The following NAA15 variants were observed in gnomAD, a reference collection of about 807,000 sequenced individuals.
The protein encoded by NAA15 is N-terminal acetyltransferase.
In NAA15, 34 loss-of-function variants were observed where a neutral mutation model predicts 114.0. The observed-to-expected ratio is 0.30, with a 90% CI of 0.23 to 0.40. NAA15 has a LOEUF of 0.40. Ranked by LOEUF, NAA15 falls within the 10% of genes least tolerant of loss-of-function variation. NAA15 has a pLI of 1.00. For synonymous variants in NAA15, 340 were observed against 338.0 expected (o/e 1.01, Z -0.06); for missense variants, 658 against 1,004.5 (o/e 0.66, Z 4.66).
intron 3 of NAA15, 55 bp from the exon 4 acceptor site, chr4:139,340,857 C>T (rs1053498744): frequency 9.5e-6 from 13 of 1,370,350 alleles, no homozygotes; most frequent in Middle Eastern, 1.9e-4. Flanking sequence ...TTTGGGAGGT[C>T]GTTTGGAATA....
At position 139,351,590 on chromosome 4, in the gene NAA15, A is replaced by T; in HGVS notation, c.993A>T (p.Ser331=). The part of the protein sequence containing the change: ...GCPPVFNTLR[S]LYKDKEKVAI... ...CACCAGTCTTCAATACTTTAAGATC[A>T]TTATACAAAGACAAAGAAAAGGTAA... is the stretch of plus-strand genomic sequence containing the variant. Residue 331 remains serine, a synonymous_variant, in exon 9 of 20, where the codon TCA becomes TCT. Transcript: ENST00000296543. 1 of 1,565,692 alleles carries T rather than the reference A, an allele frequency of 6.4e-7. No homozygotes were observed. Among genetic ancestry groups the T allele is most frequent in the East Asian group, 2.2e-5 (1 of 44,588 alleles).
At chr4:139,375,981 A>G (rs541200908) in intron 15 of NAA15, among the ~76,000 whole-genome samples, 4 of 152,316 alleles carry the variant, frequency 2.6e-5, no homozygotes, top group African/African-American at 7.2e-5. Flanking sequence ...TTTGAATTAT[A>G]AAGAACATTC....
chr4:139,311,936 A>G (rs1015666417), intron 1 of NAA15, among the ~76,000 whole-genome samples: 1 of 151,772 alleles, frequency 6.6e-6, no homozygotes, highest in Non-Finnish European at 1.5e-5. Flanking sequence ...ACTGCACTCC[A>G]GCCTGGGCAC....
At position 139,389,445 on chromosome 4, in the gene NAA15, G is replaced by C. The variant is rs1325448210; in HGVS notation, c.*1361G>C. 2.6e-5 allele frequency: 4 copies of C among 152,578 alleles called. No individual in the cohort carries two copies. Among genetic ancestry groups the C allele is most frequent in the Admixed American group, 2.6e-4 (4 of 15,272 alleles). The allele number at this position is 152,578 out of a possible 1,614,324, so 9.5% of individuals were successfully genotyped here. A position where few individuals can be genotyped will look rare whatever the true frequency, so the allele number is the denominator to read the frequency against. ...TAGTGCAGATGGGAGCTTTTTAGAA[G>C]GGGCTAAGTGCTGGTGTCAGGGAAA... On this transcript the variant is annotated 3_prime_UTR_variant, in exon 20 of 20. Coordinates refer to ENST00000296543, the MANE Select transcript of NAA15 (RefSeq NM_057175.5).
intron 1 of NAA15, chr4:139,302,058 G>C (rs1366587347): frequency 4.6e-6 from 2 of 430,684 alleles, no homozygotes; most frequent in East Asian, 7.2e-5. Context: ...TTGAGGCCCT[G>C]GTTCCGGACT....
At chr4:139,315,881 A>T (rs187991690) in intron 1 of NAA15, among the ~76,000 whole-genome samples, 1,794 of 149,812 alleles carry the variant, frequency 0.012, 44 homozygotes, top group African/African-American at 0.033. Context: ...CTCTTTTTTA[A>T]AAAAAAAAAT....
chr4:139,357,637 A>G (rs1747999436), intron 11 of NAA15, 82 bp downstream of exon 11: 2 of 896,784 alleles, frequency 2.2e-6, no homozygotes, highest in Non-Finnish European at 3.3e-6. Flanking sequence ...GATTCTAAAT[A>G]TAGGAAAAGT....
At chr4:139,305,650 T>A (rs1392919485) in intron 1 of NAA15, among the ~76,000 whole-genome samples, 2 of 151,978 alleles carry the variant, frequency 1.3e-5, no homozygotes, top group Admixed American at 6.6e-5. Context: ...CAGTTCTGCT[T>A]CAGCGTCCTG....
At chr4:139,377,246 G>A (rs1748605685) in intron 16 of NAA15, among the ~76,000 whole-genome samples, 1 of 152,050 alleles carries the variant, frequency 6.6e-6, no homozygotes, top group South Asian at 2.1e-4. Flanking sequence ...CATTTAAAAA[G>A]TCATGTTTGG....
chr4:139,385,718 T>G (rs1313706838), intron 18 of NAA15, among the ~76,000 whole-genome samples: 1 of 152,206 alleles, frequency 6.6e-6, no homozygotes, highest in African/African-American at 2.4e-5. Context: ...TGTGGAATCC[T>G]GAATTCAGCA....
At chr4:139,375,642 G>A (rs1748561268) in intron 15 of NAA15, among the ~76,000 whole-genome samples, 3 of 152,066 alleles carry the variant, frequency 2.0e-5, no homozygotes, top group Admixed American at 2.0e-4. Context: ...GATGTTTAGT[G>A]CCCTTCTGAT....
intron 7 of NAA15, among the ~76,000 whole-genome samples, chr4:139,350,540 G>T (rs959542010): frequency 6.6e-6 from 1 of 152,152 alleles, no homozygotes; most frequent in African/African-American, 2.4e-5. Context: ...AAATAGGCAG[G>T]ATCCTCAGCA....
chr4:139,379,007 T>C (rs2110995256), intron 17 of NAA15, 153 bp downstream of exon 17: 2 of 486,224 alleles, frequency 4.1e-6, no homozygotes, highest in East Asian at 7.1e-5. Context: ...TTCTTTATGA[T>C]GAAGGTTTTT....
intron 6 of NAA15, among the ~76,000 whole-genome samples, chr4:139,349,077 G>C (rs1747694171): frequency 6.6e-6 from 1 of 152,204 alleles, no homozygotes; most frequent in Non-Finnish European, 1.5e-5. Flanking sequence ...CTGATTAAGG[G>C]ATCATAAGGT....
Position 139,384,862 on chromosome 4 carries a change from C to A in NAA15, c.2186C>A (p.Thr729Lys). The change falls in exon 18 of 20, where the codon ACA becomes AAA. Residue 729 changes from threonine (T) to lysine (K), a missense_variant. By Grantham distance (78) the Thr-to-Lys change is moderately conservative. Around this residue, in one of 6 missense-constraint regions of NAA15, gnomAD observed 275 missense variants for 371.1 expected, o/e 0.74. Transcript: ENST00000296543. ...AVCESKDLSD[T>K]VRTVLKQEMN... ...TGTGAAAGTAAAGATTTATCTGATA[C>A]AGTTAGAACAGTATTAAAACAAGAA... The A allele has an allele frequency of 6.6e-7, 1 of 1,508,532 alleles. No homozygotes were observed. 93.4% of individuals were successfully genotyped at this position (1,508,532 alleles called of 1,614,324 possible). A position where few individuals can be genotyped will look rare whatever the true frequency, so the allele number is the denominator to read the frequency against.
intron 15 of NAA15, among the ~76,000 whole-genome samples, chr4:139,374,371 A>G (rs575363796): frequency 6.6e-6 from 1 of 152,310 alleles, no homozygotes; most frequent in African/African-American, 2.4e-5. Flanking sequence ...GGTTAATTCT[A>G]TCCAGTATTT....
chr4:139,388,567 A>G lies in NAA15; in HGVS notation c.*483A>G, dbSNP rs1208998579. Reference sequence around the variant, plus strand: ...TTTTGTTACGGGGTTGATTCTGACCATAGGAAGTATGCAATGTGAATCACT... The same window carrying G: ...TTTTGTTACGGGGTTGATTCTGACCGTAGGAAGTATGCAATGTGAATCACT... On this transcript the variant is annotated 3_prime_UTR_variant, in exon 20 of 20. Coordinates refer to ENST00000296543, the MANE Select transcript of NAA15 (RefSeq NM_057175.5). The G allele has an allele frequency of 6.4e-6, 1 of 156,222 alleles. No homozygotes were observed. Among genetic ancestry groups the G allele is most frequent in the African/African-American group, 2.4e-5 (1 of 41,476 alleles). The allele number at this position is 156,222 out of a possible 1,614,324, so 9.7% of individuals were successfully genotyped here.
chr4:139,331,580 G>A (rs1747001175), intron 1 of NAA15, among the ~76,000 whole-genome samples: 1 of 150,378 alleles, frequency 6.6e-6, no homozygotes, highest in East Asian at 2.0e-4. Context: ...CCAAGTAGCT[G>A]GGATTACAGG....
chr4:139,335,127 C>T (rs1217592300), intron 2 of NAA15, among the ~76,000 whole-genome samples: 2 of 151,988 alleles, frequency 1.3e-5, no homozygotes, highest in African/African-American at 4.8e-5. Flanking sequence ...CAAGATCAGC[C>T]TGGGCAACAT....
Sources: allele counts gnomAD v4.1 joint callset (sites outside exome capture counted in the v4.1 genomes callset), GRCh38; gene constraint gnomAD v4.1.1; regional missense constraint gnomAD v4.1.1; transcripts MANE v1.5; gene names NCBI Gene and HGNC (gene_info 2026-07-23, HGNC 2026-07-21).